Variants in CDC27 observed in about 807,000 individuals in gnomAD.
CDC27 encodes the protein cell division cycle protein 27 homolog.
In CDC27, 27 loss-of-function variants were observed where a neutral mutation model predicts 109.7. The ratio of observed to expected loss-of-function variants is 0.25; its 90% CI spans 0.18 to 0.34. The LOEUF (loss-of-function observed/expected upper bound fraction) is 0.34, where lower values mean the gene tolerates loss of function less well. Ranked by LOEUF, CDC27 falls within the 10% of genes least tolerant of loss-of-function variation. The pLI is 1.00. For synonymous variants in CDC27, 266 were observed against 333.9 expected (o/e 0.80, Z 2.22); for missense variants, 579 against 960.2 (o/e 0.60, Z 5.25).
rs200389111 is a variant in CDC27, at chr17:47,137,408, T to C, written c.1705-48A>G. 1,626 of 1,193,654 alleles carry C rather than the reference T, an allele frequency of 1.4e-3. 2 individuals are homozygous for C. Among genetic ancestry groups the C allele is most frequent in the Non-Finnish European group, 1.7e-3 (1,553 of 887,888 alleles). 73.9% of individuals were successfully genotyped at this position (1,193,654 alleles called of 1,614,324 possible). ...CCAAACAGAATTAAAATTTTACTTT[T>C]TCTAAAACCAAATCTATGACTAAAA... On this transcript the variant is annotated intron_variant, in intron 13 of 18. Coordinates refer to ENST00000066544, the MANE Select transcript of CDC27 (RefSeq NM_001256.6).
chr17:47,178,411 T>C (rs1175819080), intron 2 of CDC27, among the ~76,000 whole-genome samples: 2 of 151,562 alleles, frequency 1.3e-5, no homozygotes, highest in Non-Finnish European at 2.9e-5. Context: ...AGCATGTGCC[T>C]GTAGTCTCAT....
chr17:47,129,304 A>T, intron 16 of CDC27, 89 bp downstream of exon 16: 2 of 1,044,876 alleles, frequency 1.9e-6, no homozygotes, highest in African/African-American at 1.6e-5. Flanking sequence ...GATCAAAATT[A>T]AATAAATAAC....
chr17:47,136,222 A>T (rs1346053167), intron 14 of CDC27, among the ~76,000 whole-genome samples: 2 of 152,218 alleles, frequency 1.3e-5, no homozygotes, highest in Non-Finnish European at 2.9e-5. Context: ...AGACAGCAGC[A>T]TTGGCAAGTT....
At chr17:47,163,858 G>A (rs1238237996) in intron 4 of CDC27, among the ~76,000 whole-genome samples, 1 of 152,126 alleles carries the variant, frequency 6.6e-6, no homozygotes, top group Non-Finnish European at 1.5e-5. Flanking sequence ...TCTGCCTCCT[G>A]GATTCAAGTG....
At position 47,137,348 on chromosome 17, in the gene CDC27, C is replaced by T; in HGVS notation, c.1717G>A (p.Ala573Thr). 6.3e-7 allele frequency: 1 copy of T among 1,588,878 alleles called. No homozygotes were observed. Among genetic ancestry groups the T allele is most frequent in the Non-Finnish European group, 8.6e-7 (1 of 1,168,996 alleles). The change falls in exon 14 of 19, where the codon GCA (alanine) becomes ACA (threonine). Residue 573 changes from alanine to threonine, a missense_variant. By Grantham distance (58) the Ala-to-Thr change is moderately conservative. This residue lies in a region of CDC27 where 227 missense variants were observed against 363.6 expected (regional missense o/e 0.62). Coordinates refer to ENST00000066544, the MANE Select transcript of CDC27 (RefSeq NM_001256.6). Reference sequence around the variant, plus strand: ...CGTTGCAGACTGAAACAGTTCCCTGCAGCACACCAGGCCTTAAAAAAATGG... The same window carrying T: ...CGTTGCAGACTGAAACAGTTCCCTGTAGCACACCAGGCCTTAAAAAAATGG... ...DKNSPEAWCA[A>T]GNCFSLQREH...
chr17:47,166,482 T>C (rs2063651238), intron 4 of CDC27, among the ~76,000 whole-genome samples: 1 of 152,180 alleles, frequency 6.6e-6, no homozygotes, highest in Non-Finnish European at 1.5e-5. Flanking sequence ...ATATAAGTAA[T>C]GGTGTTCTCT....
chr17:47,143,659 T>C lies in CDC27; in HGVS notation c.1170+224A>G, dbSNP rs536714438. 2.0e-4 allele frequency among the ~76,000 whole-genome samples: 31 copies of C among 152,268 alleles called. No homozygotes were observed. In the East Asian group the frequency reaches 6.0e-3, roughly 29 times the overall value. ...ATTTCAAGATTATTCCTATGTCATT[T>C]TTAACTTGAGAAAAAAAATTTTTTA... On this transcript the variant is annotated intron_variant, in intron 10 of 18. Transcript: ENST00000066544.
At chr17:47,144,462 A>G (rs1340339481) in intron 9 of CDC27, among the ~76,000 whole-genome samples, 1 of 152,234 alleles carries the variant, frequency 6.6e-6, no homozygotes, top group Non-Finnish European at 1.5e-5. Flanking sequence ...AAAAGAAAAG[A>G]CAGTTGGGCA....
chr17:47,174,594 T>C (rs1254084692), intron 2 of CDC27, among the ~76,000 whole-genome samples: 1 of 149,150 alleles, frequency 6.7e-6, no homozygotes, highest in Non-Finnish European at 1.5e-5. Flanking sequence ...GAGAAATCAA[T>C]CGTGTACTAG....
chr17:47,158,910 G>A (rs1001609307), intron 4 of CDC27, among the ~76,000 whole-genome samples: 7 of 151,926 alleles, frequency 4.6e-5, no homozygotes, highest in South Asian at 2.1e-4. Flanking sequence ...GTGAGCCACC[G>A]CACCTGGCCT....
In CDC27 at chr17:47,120,985, T is replaced by C. The variant is rs1199782233; in HGVS notation, c.2425A>G (p.Thr809Ala). Residue 809 changes from threonine to alanine, a missense_variant, in exon 19 of 19, where the codon ACA (threonine) becomes GCA (alanine). This residue lies in a region of CDC27 where 227 missense variants were observed against 363.6 expected (regional missense o/e 0.62). Coordinates refer to ENST00000066544, the MANE Select transcript of CDC27 (RefSeq NM_001256.6). ...TGAAGTTGTGTGTCATCCGCATCTG[T>C]CATGCTGCTCTCCTGGGATTCATCT... is the stretch of plus-strand genomic sequence containing the variant. ...GTDESQESSM[T>A]DADDTQLHAA... The C allele has an allele frequency of 1.2e-6, 2 of 1,612,958 alleles. No homozygotes were observed.
intron 12 of CDC27, among the ~76,000 whole-genome samples, chr17:47,140,250 C>T (rs1196173141): frequency 6.6e-6 from 1 of 152,130 alleles, no homozygotes; most frequent in Non-Finnish European, 1.5e-5. Flanking sequence ...GTAGCTGGGA[C>T]CACAGGTGAG....
chr17:47,154,808 G>A lies in CDC27; in HGVS notation c.843-22C>T, dbSNP rs1379147988. The A allele has an allele frequency of 2.4e-6, 3 of 1,275,016 alleles. No homozygotes were observed. In the South Asian group the frequency reaches 3.7e-5, roughly 16 times the overall value. 79.0% of individuals were successfully genotyped at this position (1,275,016 alleles called of 1,614,324 possible). ...AAAACTGAGAAGAGGTTGAAATCAA[G>A]GTGTCAAAAAGTCATCAAGGCATAT... On this transcript the variant is annotated intron_variant, in intron 7 of 18. Coordinates refer to ENST00000066544, the MANE Select transcript of CDC27 (RefSeq NM_001256.6).
rs2062014533 is a variant in CDC27 at position 47,122,693 on chromosome 17, A to G, written c.2236-93T>C. The G allele has an allele frequency of 1.2e-5, 11 of 931,482 alleles. No individual in the cohort carries two copies. In the East Asian group the frequency reaches 3.5e-4, roughly 29 times the overall value. 57.7% of individuals were successfully genotyped at this position (931,482 alleles called of 1,614,324 possible). ...ATATATACTTATTTATTTATTTTTGAGATGGAGTCTCACTCTATTACCCAG... is the reference window on the plus strand; with the variant it reads ...ATATATACTTATTTATTTATTTTTGGGATGGAGTCTCACTCTATTACCCAG... On this transcript the variant is annotated intron_variant, in intron 17 of 18. Transcript: ENST00000066544.
At chr17:47,157,631 C>G (rs1047660131) in intron 5 of CDC27, among the ~76,000 whole-genome samples, 2 of 152,014 alleles carry the variant, frequency 1.3e-5, no homozygotes, top group African/African-American at 4.8e-5. Context: ...CATAACAAAT[C>G]GCAGAAAAAT....
At chr17:47,129,271 T>G in intron 16 of CDC27, 122 bp downstream of exon 16, 1 of 774,244 alleles carries the variant, frequency 1.3e-6, no homozygotes, top group Non-Finnish European at 2.0e-6. Flanking sequence ...AAAATGAAAT[T>G]AACAGCTTGG....
intron 9 of CDC27, 34 bp from the exon 10 acceptor site, chr17:47,144,016 T>G (rs2062878516): frequency 1.1e-6 from 1 of 912,578 alleles, no homozygotes; most frequent in Admixed American, 3.2e-5. Context: ...ACATTAATAT[T>G]TTACTTGATT....
intron 3 of CDC27, among the ~76,000 whole-genome samples, chr17:47,171,279 T>G (rs1397753763): frequency 6.6e-6 from 1 of 152,350 alleles, no homozygotes; most frequent in East Asian, 1.9e-4. Flanking sequence ...AATATAGTTA[T>G]TGATCAGTCT....
rs569730318 is a variant in CDC27, at chr17:47,159,589, C to T, written c.378-1286G>A. On this transcript the variant is annotated intron_variant, in intron 4 of 18. Coordinates refer to ENST00000066544, the MANE Select transcript of CDC27 (RefSeq NM_001256.6). ...AGTAGCCTCTGCGCACGGGGACAAT[C>T]GAGAGTTTGGCCAGGATGTTGATGG... 267 of 467,464 alleles carry T rather than the reference C, an allele frequency of 5.7e-4. 2 individuals carry two copies. The highest frequency in any genetic ancestry group is 7.3e-5 in the Non-Finnish European group (19 of 260,622). 29.0% of individuals were successfully genotyped at this position (467,464 alleles called of 1,614,324 possible). A position where few individuals can be genotyped will look rare whatever the true frequency, so the allele number is the denominator to read the frequency against.
Sources: gnomAD v4.1 joint callset for allele counts (sites outside exome capture counted in the v4.1 genomes callset) on GRCh38, gnomAD v4.1.1 for gene constraint, gnomAD v4.1.1 regional missense constraint, MANE v1.5 for transcripts, NCBI Gene and HGNC (gene_info 2026-07-23, HGNC 2026-07-21) for gene names.